The following KCNH7 variants were observed in gnomAD, a reference collection of about 807,000 sequenced individuals.
KCNH7 encodes voltage-gated inwardly rectifying potassium channel KCNH7.
In KCNH7, 49 loss-of-function variants were observed where a neutral mutation model predicts 120.8. The ratio of observed to expected loss-of-function variants is 0.41; its 90% CI spans 0.32 to 0.51. The LOEUF (loss-of-function observed/expected upper bound fraction) is 0.51. Ranked by LOEUF, KCNH7 falls within the 20% of genes least tolerant of loss-of-function variation. The probability of loss-of-function intolerance (pLI) is 0.38; values close to 1 mark genes in which losing one functional copy is unlikely to be tolerated. For missense variants in KCNH7, 1,097 were observed against 1,446.6 expected (o/e 0.76, Z 3.92); for synonymous variants, 547 against 516.1 (o/e 1.06, Z -0.81).
At chr2:162,812,365 G>C (rs1215676144) in intron 2 of KCNH7, among the ~76,000 whole-genome samples, 2 of 152,112 alleles carry the variant, frequency 1.3e-5, no homozygotes, top group Non-Finnish European at 2.9e-5. Context: ...GGGACAACCA[G>C]GAGGCTAGTG....
intron 2 of KCNH7, among the ~76,000 whole-genome samples, chr2:162,716,077 T>G (rs1287814837): frequency 6.6e-6 from 1 of 152,182 alleles, no homozygotes; most frequent in Non-Finnish European, 1.5e-5. Flanking sequence ...GCTGTGCTTC[T>G]TATTCTAAAA....
At chr2:162,785,203 T>C (rs1227588150) in intron 2 of KCNH7, 2 of 152,242 alleles carry the variant, frequency 1.3e-5, no homozygotes, top group African/African-American at 2.4e-5. Flanking sequence ...CAACTTAAAA[T>C]GTTGTTAACT....
At chr2:162,423,260 AT>A in intron 9 of KCNH7, 75 bp downstream of exon 9, 1 of 1,608,956 alleles carries the variant, frequency 6.2e-7, no homozygotes, top group African/African-American at 1.3e-5. Context: ...AAAGCTGGTG[AT>A]TCCGGCTTTT....
At chr2:162,837,363 C>T (rs112526975) in intron 1 of KCNH7, among the ~76,000 whole-genome samples, 3,930 of 152,062 alleles carry the variant, frequency 0.026, 165 homozygotes, top group African/African-American at 0.089. Context: ...TATATATTTC[C>T]CAAAAGAAAA....
At chr2:162,686,933 G>A (rs950793042) in intron 2 of KCNH7, among the ~76,000 whole-genome samples, 5 of 145,518 alleles carry the variant, frequency 3.4e-5, no homozygotes, top group East Asian at 5.0e-4. Context: ...TTCAGTATGG[G>A]ACAGTTATTT....
At chr2:162,428,750 T>C (rs1158899971) in intron 8 of KCNH7, among the ~76,000 whole-genome samples, 12 of 151,942 alleles carry the variant, frequency 7.9e-5, no homozygotes, top group Non-Finnish European at 1.3e-4. Flanking sequence ...AGGATTGCTA[T>C]ATTTGTCTAT....
chr2:162,609,489 A>C (rs1397994906), intron 2 of KCNH7, among the ~76,000 whole-genome samples: 3 of 151,924 alleles, frequency 2.0e-5, no homozygotes, highest in Non-Finnish European at 2.9e-5. Context: ...TGTTGTCCTT[A>C]TATGAAGTCA....
chr2:162,560,321 T>A (rs555058410), intron 2 of KCNH7, among the ~76,000 whole-genome samples: 1 of 152,338 alleles, frequency 6.6e-6, no homozygotes, highest in East Asian at 1.9e-4. Flanking sequence ...TAAAAAGCTC[T>A]TCTTACCTCC....
At chr2:162,661,904 G>GT (rs1026739466) in intron 2 of KCNH7, among the ~76,000 whole-genome samples, 3 of 151,820 alleles carry the variant, frequency 2.0e-5, no homozygotes, top group African/African-American at 4.8e-5. Context: ...TTTATTTTTT[G>GT]TTTTTTTAAA....
At chr2:162,655,951 C>T (rs1342179762) in intron 2 of KCNH7, among the ~76,000 whole-genome samples, 5 of 152,152 alleles carry the variant, frequency 3.3e-5, no homozygotes, top group African/African-American at 9.7e-5. Context: ...ATAGGAACAG[C>T]TCCCTGATCA....
chr2:162,709,055 C>T (rs912561786), intron 2 of KCNH7, among the ~76,000 whole-genome samples: 5 of 152,038 alleles, frequency 3.3e-5, no homozygotes, highest in Admixed American at 6.6e-5. Context: ...CATGCTGAAG[C>T]TCATCATTAA....
At chr2:162,377,577 G>A (rs1319694598) in intron 14 of KCNH7, among the ~76,000 whole-genome samples, 1 of 152,152 alleles carries the variant, frequency 6.6e-6, no homozygotes, top group East Asian at 1.9e-4. Flanking sequence ...GCAGTTGCTG[G>A]TCAGATGTCC....
chr2:162,739,775 C>T (rs555319930), intron 2 of KCNH7, among the ~76,000 whole-genome samples: 2 of 152,210 alleles, frequency 1.3e-5, no homozygotes, highest in East Asian at 3.9e-4. Context: ...TCTGATTCTA[C>T]TATGAGAAAT....
At chr2:162,603,030 C>CACTA (rs1380618528) in intron 2 of KCNH7, among the ~76,000 whole-genome samples, 1 of 150,888 alleles carries the variant, frequency 6.6e-6, no homozygotes, top group Non-Finnish European at 1.5e-5. Context: ...CAGGGTTGGA[C>CACTA]TAGTCCAGCA....
intron 2 of KCNH7, among the ~76,000 whole-genome samples, chr2:162,756,858 C>T (rs958097674): frequency 3.3e-5 from 5 of 152,122 alleles, no homozygotes; most frequent in African/African-American, 1.2e-4. Context: ...GTGAGATTCG[C>T]TTTTAGATGA....
intron 2 of KCNH7, among the ~76,000 whole-genome samples, chr2:162,785,412 T>C (rs527605914): frequency 1.3e-5 from 2 of 152,320 alleles, no homozygotes; most frequent in East Asian, 3.9e-4. Context: ...TTCTATTCTA[T>C]CATTATAGTT....
intron 6 of KCNH7, among the ~76,000 whole-genome samples, chr2:162,483,196 CAG>C (rs1238960555): frequency 2.0e-5 from 3 of 152,086 alleles, no homozygotes; most frequent in South Asian, 2.1e-4. Context: ...GGTTGGGAAA[CAG>C]AGGTGCATAT....
At chr2:162,425,801 G>C (rs1437095058) in intron 8 of KCNH7, among the ~76,000 whole-genome samples, 2 of 152,042 alleles carry the variant, frequency 1.3e-5, no homozygotes, top group Non-Finnish European at 1.5e-5. Flanking sequence ...GGATGGTAGA[G>C]TTTTATCTCT....
chr2:162,442,744 C>A (rs767372622), intron 7 of KCNH7, among the ~76,000 whole-genome samples: 23 of 152,048 alleles, frequency 1.5e-4, no homozygotes, highest in Non-Finnish European at 2.4e-4. Context: ...GTAGTCCCAG[C>A]TCCTCAGGGG....
Sources: gnomAD v4.1 joint callset for allele counts (sites outside exome capture counted in the v4.1 genomes callset) on GRCh38, gnomAD v4.1.1 for gene constraint, MANE v1.5 for transcripts, NCBI Gene and HGNC (gene_info 2026-07-23, HGNC 2026-07-21) for gene names.